VAT1L: variants seen among roughly 807,000 people sequenced by gnomAD.
VAT1L encodes vesicle amine transport 1 like.
Under a neutral mutation model 44.1 loss-of-function variants are expected in VAT1L, and 34 were observed. That is an observed-to-expected ratio of 0.77 (90% CI 0.59 to 1.03). The LOEUF (loss-of-function observed/expected upper bound fraction) is 1.03. Ranked by LOEUF, VAT1L falls within the 50% of genes least tolerant of loss-of-function variation. The probability of loss-of-function intolerance (pLI) is 0.00; values close to 1 mark genes in which losing one functional copy is unlikely to be tolerated. For missense variants in VAT1L, 615 were observed against 538.8 expected, an observed-to-expected ratio of 1.14 and a Z score of -1.40; for synonymous variants, 253 against 202.2, an observed-to-expected ratio of 1.25 and a Z score of -2.13.
At chr16:77,802,417 C>G (rs1283344642) in intron 1 of VAT1L, among the ~76,000 whole-genome samples, 2 of 152,088 alleles carry the variant, frequency 1.3e-5, no homozygotes, top group African/African-American at 2.4e-5. Context: ...GAGTTCAAGA[C>G]CAGCCTGGCC....
chr16:77,928,393 T>C (rs1273822912), intron 7 of VAT1L, among the ~76,000 whole-genome samples: 1 of 152,258 alleles, frequency 6.6e-6, no homozygotes, highest in East Asian at 1.9e-4. Flanking sequence ...GATTATTCCA[T>C]CATGGTTGGG....
intron 7 of VAT1L, among the ~76,000 whole-genome samples, chr16:77,891,969 G>T (rs9931255): frequency 6.6e-6 from 1 of 152,162 alleles, no homozygotes; most frequent in Non-Finnish European, 1.5e-5. Flanking sequence ...CTACTCGGGG[G>T]GCTGAGGCAG....
At chr16:77,822,968 C>G (rs531474730) in intron 2 of VAT1L, among the ~76,000 whole-genome samples, 1 of 152,176 alleles carries the variant, frequency 6.6e-6, no homozygotes, top group South Asian at 2.1e-4. Context: ...GATGCTGTCT[C>G]CAACTGTCTC....
At chr16:77,816,313 C>A (rs533286661) in intron 1 of VAT1L, among the ~76,000 whole-genome samples, 13 of 152,266 alleles carry the variant, frequency 8.5e-5, no homozygotes, top group African/African-American at 3.1e-4. Context: ...TTTGATCTCT[C>A]TTTGAGTCCC....
chr16:77,927,612 T>C (rs2017684845), intron 7 of VAT1L, among the ~76,000 whole-genome samples: 1 of 152,034 alleles, frequency 6.6e-6, no homozygotes, highest in Non-Finnish European at 1.5e-5. Flanking sequence ...GCGCGGTAGC[T>C]TTTGCCTGTA....
At chr16:77,959,138 C>T (rs755784503) in intron 7 of VAT1L, among the ~76,000 whole-genome samples, 34 of 152,170 alleles carry the variant, frequency 2.2e-4, no homozygotes, top group Non-Finnish European at 3.7e-4. Flanking sequence ...CTGCCCCACC[C>T]TCATCTATTC....
At chr16:77,875,607 A>C (rs979199786) in intron 4 of VAT1L, among the ~76,000 whole-genome samples, 1 of 152,212 alleles carries the variant, frequency 6.6e-6, no homozygotes, top group Non-Finnish European at 1.5e-5. Context: ...TGAGTGAGTG[A>C]GTGAATCAAT....
intron 7 of VAT1L, among the ~76,000 whole-genome samples, chr16:77,897,852 C>T (rs2017340322): frequency 6.6e-6 from 1 of 152,150 alleles, no homozygotes; most frequent in Non-Finnish European, 1.5e-5. Flanking sequence ...TCCTTTTCCT[C>T]CCCTATAAAA....
At chr16:77,931,056 T>G (rs937495291) in intron 7 of VAT1L, among the ~76,000 whole-genome samples, 1 of 152,152 alleles carries the variant, frequency 6.6e-6, no homozygotes, top group African/African-American at 2.4e-5. Flanking sequence ...TGTTCAAGAG[T>G]GCACAGCCAG....
chr16:77,930,101 C>G (rs1226720894), intron 7 of VAT1L, among the ~76,000 whole-genome samples: 2 of 152,200 alleles, frequency 1.3e-5, no homozygotes, highest in African/African-American at 4.8e-5. Flanking sequence ...GCCCAAACTT[C>G]GTATCCTTCT....
intron 3 of VAT1L, among the ~76,000 whole-genome samples, chr16:77,849,632 G>A (rs1240587629): frequency 6.6e-6 from 1 of 152,206 alleles, no homozygotes; most frequent in Non-Finnish European, 1.5e-5. Context: ...AAAGGGTCCT[G>A]TCCTACAAAG....
At chr16:77,850,046 A>C (rs533400793) in intron 3 of VAT1L, among the ~76,000 whole-genome samples, 79 of 152,358 alleles carry the variant, frequency 5.2e-4, no homozygotes, top group Admixed American at 4.6e-3. Context: ...TGCCTCCAGC[A>C]AACATGGACA....
At chr16:77,850,850 T>A (rs1336380526) in intron 3 of VAT1L, among the ~76,000 whole-genome samples, 1 of 152,124 alleles carries the variant, frequency 6.6e-6, no homozygotes, top group Non-Finnish European at 1.5e-5. Context: ...ACTCCTTGAT[T>A]TAGAGCCCTG....
chr16:77,895,060 T>C (rs77486032), intron 7 of VAT1L, among the ~76,000 whole-genome samples: 4,628 of 138,922 alleles, frequency 0.033, 250 homozygotes, highest in African/African-American at 0.12. Context: ...AAGTGGAATT[T>C]TAAATTTTTC....
chr16:77,840,501 A>G lies in VAT1L; in HGVS notation c.579+15040A>G, dbSNP rs371955186. ...ACAAGAAAAACAACCGATAAAGAGT[A>G]TCTAGATGCTATTCATCTTCTTCAG... is the stretch of plus-strand genomic sequence containing the variant. On this transcript the variant is annotated intron_variant, in intron 3 of 8. Coordinates refer to ENST00000302536, the MANE Select transcript of VAT1L (RefSeq NM_020927.3). Among the ~76,000 whole-genome samples, 136 of 152,316 alleles carry G rather than the reference A, an allele frequency of 8.9e-4. 4 individuals carry two copies. In the South Asian group the frequency reaches 0.028, roughly 31 times the overall value.
At chr16:77,825,144 C>T (rs938167913) in intron 2 of VAT1L, 102 bp from the exon 3 acceptor site, 22 of 1,266,206 alleles carry the variant, frequency 1.7e-5, no homozygotes, top group Admixed American at 1.4e-4. Flanking sequence ...TGGGATTATA[C>T]GCATGAGCCA....
At chr16:77,915,575 A>T (rs2017543529) in intron 7 of VAT1L, among the ~76,000 whole-genome samples, 1 of 152,170 alleles carries the variant, frequency 6.6e-6, no homozygotes, top group Non-Finnish European at 1.5e-5. Flanking sequence ...TCCCCAGAGG[A>T]GTGGGACTTG....
intron 7 of VAT1L, among the ~76,000 whole-genome samples, chr16:77,934,556 C>G (rs760001914): frequency 6.6e-6 from 1 of 152,160 alleles, no homozygotes; most frequent in Non-Finnish European, 1.5e-5. Context: ...TTTTGGATTT[C>G]TGACCTCTAG....
chr16:77,972,661 A>G (rs2018293105), intron 8 of VAT1L, among the ~76,000 whole-genome samples: 1 of 152,078 alleles, frequency 6.6e-6, no homozygotes, highest in African/African-American at 2.4e-5. Flanking sequence ...GGTGCCTGTA[A>G]TCCCAGCTAC....
Sources: allele counts gnomAD v4.1 joint callset (sites outside exome capture counted in the v4.1 genomes callset), GRCh38; gene constraint gnomAD v4.1.1; transcripts MANE v1.5; gene names NCBI Gene and HGNC (gene_info 2026-07-23, HGNC 2026-07-21).